RTTN: variants seen among roughly 807,000 people sequenced by gnomAD.
The protein encoded by RTTN is rotatin.
Under a neutral mutation model 269.2 loss-of-function variants are expected in RTTN, and 182 were observed. The ratio of observed to expected loss-of-function variants is 0.68; its 90% CI spans 0.60 to 0.76. The LOEUF (loss-of-function observed/expected upper bound fraction) is 0.76, where lower values mean the gene tolerates loss of function less well. Among genes scored for constraint, RTTN ranks in the 30% least tolerant of loss-of-function variants. The probability of loss-of-function intolerance (pLI) is 0.00; values close to 1 mark genes in which losing one functional copy is unlikely to be tolerated. For missense variants in RTTN, 2,545 were observed against 2,608.6 expected, an observed-to-expected ratio of 0.98 and a Z score of 0.53; for synonymous variants, 1,006 against 963.5, an observed-to-expected ratio of 1.04 and a Z score of -0.82.
At chr18:70,125,992 C>A (rs1312225895) in intron 25 of RTTN, among the ~76,000 whole-genome samples, 14 of 151,926 alleles carry the variant, frequency 9.2e-5, no homozygotes, top group Non-Finnish European at 2.9e-5. Flanking sequence ...TCTGTGTTGC[C>A]ATGATCAAAC....
chr18:70,205,548 G>A lies in RTTN; in HGVS notation c.31+80C>T, dbSNP rs2062057790. On this transcript the variant is annotated intron_variant, in intron 1 of 48. Coordinates refer to ENST00000640769, the MANE Select transcript of RTTN (RefSeq NM_173630.4). The stretch of plus-strand genomic sequence containing the variant: ...GGGAGCGGTCGCGGAGCGGCCGGCC[G>A]CGGAAACGTGACACGACCATTCTCA... 1.9e-6 allele frequency: 3 copies of A among 1,578,080 alleles called. No homozygotes were observed. The African/African-American group carries it at 4.0e-5, about 21-fold the overall frequency.
chr18:70,138,469 A>G (rs897941935), intron 21 of RTTN: 1 of 152,166 alleles, frequency 6.6e-6, no homozygotes, highest in African/African-American at 2.4e-5. Context: ...AGGTGTTCAT[A>G]ATAAGTTCCA....
At chr18:70,022,836 C>T (rs2056744416) in intron 44 of RTTN, among the ~76,000 whole-genome samples, 2 of 152,106 alleles carry the variant, frequency 1.3e-5, no homozygotes, top group African/African-American at 2.4e-5. Context: ...GCTGGTTTCT[C>T]ATCTTTTGAT....
intron 11 of RTTN, among the ~76,000 whole-genome samples, chr18:70,174,525 G>T (rs13381209): frequency 6.6e-6 from 1 of 151,782 alleles, no homozygotes; most frequent in South Asian, 2.1e-4. Context: ...GTAAACATGC[G>T]TAAGTAGCAA....
At chr18:70,112,599 T>C (rs1055270590) in intron 27 of RTTN, among the ~76,000 whole-genome samples, 7 of 148,826 alleles carry the variant, frequency 4.7e-5, no homozygotes, top group Non-Finnish European at 1.5e-5. Flanking sequence ...AAGGGATCAA[T>C]ACAGCAAGAA....
At chr18:70,074,031 C>T (rs757465868) in intron 33 of RTTN, 37 bp from the exon 34 acceptor site, 9 of 1,350,284 alleles carry the variant, frequency 6.7e-6, no homozygotes, top group African/African-American at 2.9e-5. Context: ...TGGACACCCT[C>T]CTAGGAACTG....
chr18:70,022,720 T>A (rs74978315), intron 44 of RTTN, among the ~76,000 whole-genome samples: 5,498 of 152,278 alleles, frequency 0.036, 345 homozygotes, highest in African/African-American at 0.13. Context: ...CTATCCTCAC[T>A]TTAGCAGAAT....
At chr18:70,110,669 T>A (rs933188047) in intron 27 of RTTN, among the ~76,000 whole-genome samples, 1 of 152,186 alleles carries the variant, frequency 6.6e-6, no homozygotes, top group African/African-American at 2.4e-5. Context: ...TAGTTCTTTT[T>A]TCCCATACCC....
At chr18:70,046,878 G>A (rs993369278) in intron 40 of RTTN, among the ~76,000 whole-genome samples, 1 of 152,156 alleles carries the variant, frequency 6.6e-6, no homozygotes, top group Non-Finnish European at 1.5e-5. Flanking sequence ...GTCCCCTGAG[G>A]ACCCTGTGAC....
intron 48 of RTTN, 73 bp from the exon 49 acceptor site, chr18:70,004,309 T>C (rs2056113222): frequency 3.2e-6 from 3 of 944,750 alleles, no homozygotes; most frequent in East Asian, 4.9e-5. Context: ...GGCACACACA[T>C]AAACAAATAC....
chr18:70,013,445 G>A (rs2056453925), intron 46 of RTTN, among the ~76,000 whole-genome samples: 1 of 142,440 alleles, frequency 7.0e-6, no homozygotes, highest in Non-Finnish European at 1.5e-5. Flanking sequence ...GAATTAATGT[G>A]GTGGGCCCCT....
chr18:70,007,413 T>A (rs2056228404), intron 46 of RTTN: 1 of 152,272 alleles, frequency 6.6e-6, no homozygotes, highest in Non-Finnish European at 1.5e-5. Context: ...ACAGAGTTGT[T>A]CAGTCCCCTG....
At chr18:70,181,015 G>GTAA (rs962050911) in intron 10 of RTTN, among the ~76,000 whole-genome samples, 1 of 152,192 alleles carries the variant, frequency 6.6e-6, no homozygotes, top group Non-Finnish European at 1.5e-5. Context: ...GAAGGTCTAT[G>GTAA]TAATTAGAGA....
At chr18:70,106,205 T>G (rs906765460) in intron 28 of RTTN, among the ~76,000 whole-genome samples, 1 of 152,122 alleles carries the variant, frequency 6.6e-6, no homozygotes, top group Non-Finnish European at 1.5e-5. Context: ...ACCAGCCAGG[T>G]GTAGTGGTGC....
At chr18:70,022,041 TTTATGACCATAAA>T (rs1454356350) in intron 44 of RTTN, among the ~76,000 whole-genome samples, 15 of 152,176 alleles carry the variant, frequency 9.9e-5, no homozygotes, top group African/African-American at 3.1e-4. Flanking sequence ...AAATCTTAAA[TTTATGACCATAAA>T]TTATGACCAT....
intron 48 of RTTN, 34 bp from the exon 49 acceptor site, chr18:70,004,270 G>T: frequency 6.7e-7 from 1 of 1,487,188 alleles, no homozygotes. Flanking sequence ...AGAAATACTA[G>T]TTTATGAAAC....
At chr18:70,145,921 T>A in intron 17 of RTTN, 138 bp from the exon 18 acceptor site, 1 of 504,904 alleles carries the variant, frequency 2.0e-6, no homozygotes, top group Non-Finnish European at 3.3e-6. Context: ...TAGTAATAAT[T>A]TACTTTTTCT....
chr18:70,108,105 T>C (rs1335455095), intron 28 of RTTN, among the ~76,000 whole-genome samples: 2 of 152,098 alleles, frequency 1.3e-5, no homozygotes, highest in Non-Finnish European at 1.5e-5. Flanking sequence ...GGTGAAACCC[T>C]GTCTCTACTA....
chr18:70,108,930 A>G (rs992585267), intron 28 of RTTN, among the ~76,000 whole-genome samples: 46 of 152,288 alleles, frequency 3.0e-4, no homozygotes, highest in Middle Eastern at 6.8e-3. Flanking sequence ...TGATATTGGA[A>G]ATAAGAATTG....
Sources: gnomAD v4.1 joint callset for allele counts (sites outside exome capture counted in the v4.1 genomes callset) on GRCh38, gnomAD v4.1.1 for gene constraint, MANE v1.5 for transcripts, NCBI Gene and HGNC (gene_info 2026-07-23, HGNC 2026-07-21) for gene names.